Variants in PPP4R2 observed in about 807,000 individuals in gnomAD.
The protein encoded by PPP4R2 is serine/threonine-protein phosphatase 4 regulatory subunit 2.
Under a neutral mutation model 47.2 loss-of-function variants are expected in PPP4R2, and 13 were observed. That is an observed-to-expected ratio of 0.28 (90% confidence interval 0.18 to 0.44). PPP4R2 has a LOEUF of 0.44. Ranked by LOEUF, PPP4R2 falls within the 20% of genes least tolerant of loss-of-function variation. The pLI, the probability that PPP4R2 is intolerant of heterozygous loss-of-function variation, is 1.00. For missense variants in PPP4R2, 421 were observed against 491.2 expected, an observed-to-expected ratio of 0.86 and a Z score of 1.35; for synonymous variants, 151 against 163.3, an observed-to-expected ratio of 0.92 and a Z score of 0.57.
intron 3 of PPP4R2, among the ~76,000 whole-genome samples, chr3:73,050,622 T>TA (rs1702590801): frequency 6.6e-6 from 1 of 152,206 alleles, no homozygotes; most frequent in Admixed American, 6.5e-5. Context: ...TCCCCACTGT[T>TA]ACAGAAGTAC....
In PPP4R2 at chr3:73,068,214, T is replaced by C. The variant is rs571461652; in HGVS notation, c.*2492T>C. The stretch of plus-strand genomic sequence containing the variant: ...GATTTTAGGCATATTTCTTAACATA[T>C]ATCAAGCAAAGTCCTGTTAAAAGAT... On this transcript the variant is annotated 3_prime_UTR_variant, in exon 9 of 9. Transcript: ENST00000356692. 1.3e-5 allele frequency: 2 copies of C among 152,270 alleles called. No homozygotes were observed. Among genetic ancestry groups the C allele is most frequent in the South Asian group, 2.1e-4 (1 of 4,830 alleles). The allele number at this position is 152,270 out of a possible 1,614,324, so 9.4% of individuals were successfully genotyped here.
At chr3:73,004,708 A>G (rs1336122180) in intron 2 of PPP4R2, among the ~76,000 whole-genome samples, 1 of 152,150 alleles carries the variant, frequency 6.6e-6, no homozygotes, top group Non-Finnish European at 1.5e-5. Flanking sequence ...TTGGCCTCTT[A>G]AAGTGCAGGG....
At chr3:72,997,864 G>A (rs952456893) in intron 1 of PPP4R2, among the ~76,000 whole-genome samples, 2 of 152,170 alleles carry the variant, frequency 1.3e-5, no homozygotes, top group Admixed American at 1.3e-4. Flanking sequence ...GTGAAGTTGA[G>A]TGCCCCCTTT....
intron 5 of PPP4R2, chr3:73,062,663 G>A (rs776501697): frequency 2.1e-5 from 34 of 1,613,830 alleles, no homozygotes; most frequent in Non-Finnish European, 2.7e-5. Flanking sequence ...TAGGCATTGC[G>A]GCTGGATCAA....
intron 3 of PPP4R2, among the ~76,000 whole-genome samples, chr3:73,049,687 A>T (rs1360872389): frequency 1.3e-5 from 2 of 151,536 alleles, no homozygotes; most frequent in African/African-American, 4.8e-5. Flanking sequence ...TGAATTAGTA[A>T]TAGCAAATAC....
At chr3:73,052,890 T>A (rs539510505) in intron 3 of PPP4R2, among the ~76,000 whole-genome samples, 126 of 152,342 alleles carry the variant, frequency 8.3e-4, no homozygotes, top group Non-Finnish European at 1.4e-3. Flanking sequence ...GTACAGTCAG[T>A]CACAGCTGAG....
chr3:73,060,338 T>C (rs941877521), intron 4 of PPP4R2, among the ~76,000 whole-genome samples: 1 of 152,144 alleles, frequency 6.6e-6, no homozygotes, highest in Non-Finnish European at 1.5e-5. Flanking sequence ...ATTTTGGAGA[T>C]TTTCAGATAA....
At chr3:73,050,235 G>A (rs762343187) in intron 3 of PPP4R2, among the ~76,000 whole-genome samples, 2 of 152,094 alleles carry the variant, frequency 1.3e-5, no homozygotes. Context: ...AAAGTGCTGG[G>A]ATTACAAGCT....
intron 2 of PPP4R2, among the ~76,000 whole-genome samples, chr3:73,017,836 C>T (rs1295996552): frequency 1.3e-5 from 2 of 151,846 alleles, no homozygotes; most frequent in Non-Finnish European, 2.9e-5. Context: ...TAGCAATTCT[C>T]CCTGCTTCAG....
chr3:73,002,629 CTTTTCTTT>C (rs1298045458), intron 2 of PPP4R2, among the ~76,000 whole-genome samples: 48 of 82,964 alleles, frequency 5.8e-4, no homozygotes, highest in African/African-American at 1.5e-3. Context: ...CTTTTCTTTT[CTTTTCTTT>C]TTTTTTTTTT....
At chr3:73,019,615 C>T (rs888606981) in intron 2 of PPP4R2, among the ~76,000 whole-genome samples, 6 of 152,216 alleles carry the variant, frequency 3.9e-5, no homozygotes, top group Non-Finnish European at 8.8e-5. Flanking sequence ...CTCAGATGAT[C>T]TGCTCCCTTT....
chr3:73,060,240 C>T (rs149572389), intron 4 of PPP4R2, among the ~76,000 whole-genome samples: 1 of 152,298 alleles, frequency 6.6e-6, no homozygotes, highest in East Asian at 1.9e-4. Context: ...ATCCTCTGTA[C>T]ACTCAATTGA....
At chr3:73,001,629 G>T (rs1425204119) in intron 2 of PPP4R2, among the ~76,000 whole-genome samples, 3 of 151,992 alleles carry the variant, frequency 2.0e-5, no homozygotes, top group African/African-American at 7.3e-5. Flanking sequence ...TACCATTTTA[G>T]TTTTCTTTCT....
At chr3:73,010,255 C>T (rs1485726576) in intron 2 of PPP4R2, among the ~76,000 whole-genome samples, 1 of 152,100 alleles carries the variant, frequency 6.6e-6, no homozygotes, top group Non-Finnish European at 1.5e-5. Context: ...CAAGGTCTTG[C>T]TCTGTCATCC....
At chr3:73,019,322 C>T (rs78715443) in intron 2 of PPP4R2, among the ~76,000 whole-genome samples, 7,263 of 152,238 alleles carry the variant, frequency 0.048, 577 homozygotes, top group African/African-American at 0.17. Flanking sequence ...AGATACATCA[C>T]TGTAGATGAA....
intron 3 of PPP4R2, among the ~76,000 whole-genome samples, chr3:73,058,612 G>A (rs535946656): frequency 6.6e-6 from 1 of 151,708 alleles, no homozygotes; most frequent in South Asian, 2.1e-4. Context: ...ATCACATCAG[G>A]GTAAATGGGT....
chr3:73,018,281 C>CT (rs1476571214), intron 2 of PPP4R2, among the ~76,000 whole-genome samples: 5 of 151,926 alleles, frequency 3.3e-5, no homozygotes, highest in Admixed American at 6.6e-5. Context: ...CAATGGACTG[C>CT]TTTTTTTGTA....
chr3:73,017,166 A>T (rs1575848984), intron 2 of PPP4R2, among the ~76,000 whole-genome samples: 1 of 151,694 alleles, frequency 6.6e-6, no homozygotes, highest in African/African-American at 2.4e-5. Context: ...GCTATTTACC[A>T]CCTCAGCCTC....
chr3:73,031,928 A>G (rs1253913533), intron 2 of PPP4R2, among the ~76,000 whole-genome samples: 1 of 152,220 alleles, frequency 6.6e-6, no homozygotes, highest in African/African-American at 2.4e-5. Flanking sequence ...GCTTACACTA[A>G]TGTTAACCCT....
Sources: gnomAD v4.1 joint callset for allele counts (sites outside exome capture counted in the v4.1 genomes callset) on GRCh38, gnomAD v4.1.1 for gene constraint, MANE v1.5 for transcripts, NCBI Gene and HGNC (gene_info 2026-07-23, HGNC 2026-07-21) for gene names.